The following ZFHX3 variants were observed in gnomAD, a reference collection of about 807,000 sequenced individuals.
ZFHX3 encodes zinc finger homeobox protein 3.
In ZFHX3, 42 loss-of-function variants were observed where a neutral mutation model predicts 279.1. That is an observed-to-expected ratio of 0.15 (90% CI 0.12 to 0.19). The LOEUF (loss-of-function observed/expected upper bound fraction) is 0.19. Among genes scored for constraint, ZFHX3 ranks in the 10% least tolerant of loss-of-function variants. The probability of loss-of-function intolerance (pLI) is 1.00; values close to 1 mark genes in which losing one functional copy is unlikely to be tolerated. For missense variants in ZFHX3, 4,981 were observed against 4,754.0 expected (o/e 1.05, Z -1.40); for synonymous variants, 2,293 against 1,957.8 (o/e 1.17, Z -4.52).
intron 2 of ZFHX3, among the ~76,000 whole-genome samples, chr16:73,515,270 C>G (rs900916292): frequency 5.3e-5 from 8 of 152,202 alleles, no homozygotes; most frequent in African/African-American, 1.9e-4. Context: ...CAATTCTGTG[C>G]ACTGGGGGAT....
intron 3 of ZFHX3, among the ~76,000 whole-genome samples, chr16:72,891,624 A>G (rs1765000110): frequency 6.6e-6 from 1 of 152,196 alleles, no homozygotes. Context: ...GACTGACCCA[A>G]GGTAACCCAG....
chr16:73,810,706 A>C (rs1960403732), intron 1 of ZFHX3, among the ~76,000 whole-genome samples: 1 of 152,184 alleles, frequency 6.6e-6, no homozygotes, highest in Non-Finnish European at 1.5e-5. Context: ...ACAAAAAAAA[A>C]TGGAAGAGCT....
intron 3 of ZFHX3, among the ~76,000 whole-genome samples, chr16:73,448,762 G>C (rs1329220688): frequency 6.8e-6 from 1 of 147,058 alleles, no homozygotes; most frequent in Non-Finnish European, 1.5e-5. Context: ...TCCTATATAT[G>C]AATTTTTTCT....
chr16:73,032,939 G>A (rs749350807), intron 1 of ZFHX3, among the ~76,000 whole-genome samples: 1 of 152,222 alleles, frequency 6.6e-6, no homozygotes, highest in Non-Finnish European at 1.5e-5. Flanking sequence ...AGTGGAGGGG[G>A]TTTCAGGCAG....
chr16:73,037,821 A>G (rs963561689), intron 1 of ZFHX3, among the ~76,000 whole-genome samples: 1 of 151,372 alleles, frequency 6.6e-6, no homozygotes, highest in Admixed American at 6.6e-5. Flanking sequence ...CCCAAAAAAG[A>G]TAAAATAAAC....
chr16:73,797,210 AC>A (rs1960020101), intron 1 of ZFHX3, among the ~76,000 whole-genome samples: 1 of 146,970 alleles, frequency 6.8e-6, no homozygotes, highest in South Asian at 2.1e-4. Context: ...TCTCAAAAAA[AC>A]AAACAAACAA....
At position 73,381,157 on chromosome 16, in the gene ZFHX3, A is replaced by AC. The variant is rs541307854; in HGVS notation, c.-1290-62822dup. Among the ~76,000 whole-genome samples the AC allele has an allele frequency of 1.6e-4, 25 of 152,134 alleles. No individual in the cohort carries two copies. The South Asian group carries it at 4.4e-3, about 27-fold the overall frequency. ...ATAAACTATAAAATCTTATTGAAAG[A>AC]CCCCCCAAACAAGAACTAAACAAAT... is the stretch of plus-strand genomic sequence containing the variant. On this transcript the variant is annotated intron_variant, in intron 3 of 17. Coordinates refer to the ZFHX3 transcript ENST00000641206.
chr16:73,473,563 G>C (rs1360892183), intron 2 of ZFHX3, among the ~76,000 whole-genome samples: 1 of 151,970 alleles, frequency 6.6e-6, no homozygotes, highest in Non-Finnish European at 1.5e-5. Flanking sequence ...AGAATCACAG[G>C]GCTCCACTTC....
intron 1 of ZFHX3, among the ~76,000 whole-genome samples, chr16:73,742,132 T>C (rs1479624248): frequency 1.3e-5 from 2 of 152,228 alleles, no homozygotes; most frequent in African/African-American, 2.4e-5. Flanking sequence ...ATTTCCTCAT[T>C]GAAATATTTG....
At chr16:72,935,753 A>G (rs1960088537) in intron 3 of ZFHX3, among the ~76,000 whole-genome samples, 1 of 150,698 alleles carries the variant, frequency 6.6e-6, no homozygotes, top group African/African-American at 2.5e-5. Context: ...AAAAAAATCC[A>G]TCTTTTGCCA....
At chr16:73,510,864 T>C (rs984659261) in intron 2 of ZFHX3, among the ~76,000 whole-genome samples, 7 of 152,244 alleles carry the variant, frequency 4.6e-5, no homozygotes, top group African/African-American at 9.6e-5. Context: ...AAGACCTCAG[T>C]GGACTCATAT....
At chr16:72,875,264 G>C (rs2038279656) in intron 4 of ZFHX3, among the ~76,000 whole-genome samples, 1 of 152,240 alleles carries the variant, frequency 6.6e-6, no homozygotes, top group Non-Finnish European at 1.5e-5. Flanking sequence ...ACAGCTCACT[G>C]AATACGGCAG....
rs568425838 is a variant in ZFHX3, at chr16:73,280,001, C to G, written c.-1193-22865G>C. On this transcript the variant is annotated intron_variant, in intron 4 of 17. Transcript: ENST00000641206. ...GTCAACTAAATTTTAACAAGAGTAC[C>G]AAGAATACACAATAGGAAAATGACA... Among the ~76,000 whole-genome samples, 15 of 152,126 alleles carry G rather than the reference C, an allele frequency of 9.9e-5. No homozygotes were observed. The East Asian group carries it at 2.5e-3, about 26-fold the overall frequency.
intron 2 of ZFHX3, among the ~76,000 whole-genome samples, chr16:73,458,719 G>A (rs985680748): frequency 2.0e-5 from 3 of 151,930 alleles, no homozygotes; most frequent in African/African-American, 4.8e-5. Flanking sequence ...AACCTTTATC[G>A]CATTTTCTTA....
chr16:73,398,649 C>T (rs1162903622), intron 3 of ZFHX3, among the ~76,000 whole-genome samples: 6 of 152,142 alleles, frequency 3.9e-5, no homozygotes, highest in Non-Finnish European at 7.4e-5. Context: ...ACCACTGGTC[C>T]CCACATAATT....
chr16:73,489,467 A>G (rs939437434), intron 2 of ZFHX3, among the ~76,000 whole-genome samples: 1 of 152,236 alleles, frequency 6.6e-6, no homozygotes, highest in African/African-American at 2.4e-5. Context: ...AATTCATAGA[A>G]GCACTAAGAT....
intron 5 of ZFHX3, among the ~76,000 whole-genome samples, chr16:73,241,786 G>A (rs145295032): frequency 0.012 from 832 of 68,142 alleles, 12 homozygotes; most frequent in African/African-American, 0.054. Context: ...GCAAAACTCC[G>A]TCTCAAAAAA....
At chr16:73,634,890 G>C (rs532773555) in intron 2 of ZFHX3, among the ~76,000 whole-genome samples, 1 of 151,454 alleles carries the variant, frequency 6.6e-6, no homozygotes, top group Admixed American at 6.6e-5. Flanking sequence ...GTTTGTGGTT[G>C]TGTGTGTGTG....
At chr16:73,513,894 C>T (rs960201666) in intron 2 of ZFHX3, among the ~76,000 whole-genome samples, 1 of 152,004 alleles carries the variant, frequency 6.6e-6, no homozygotes, top group Non-Finnish European at 1.5e-5. Flanking sequence ...TGCTTCTTGG[C>T]TATGCCAGAT....
Sources: allele counts gnomAD v4.1 joint callset (sites outside exome capture counted in the v4.1 genomes callset), GRCh38; gene constraint gnomAD v4.1.1; transcripts MANE v1.5; gene names NCBI Gene and HGNC (gene_info 2026-07-23, HGNC 2026-07-21).